NRXN3: variants seen among roughly 807,000 people sequenced by gnomAD.
NRXN3 encodes the protein neurexin III.
NRXN3 carries 32 observed loss-of-function variants against 137.6 expected under a neutral mutation model. That is an observed-to-expected ratio of 0.23 (90% CI 0.18 to 0.31). The LOEUF is 0.31. Ranked by LOEUF, NRXN3 falls within the 10% of genes least tolerant of loss-of-function variation. NRXN3 has a pLI of 1.00. For missense variants in NRXN3, 1,574 were observed against 2,062.5 expected (o/e 0.76, Z 4.59); for synonymous variants, 798 against 784.5 (o/e 1.02, Z -0.29).
chr14:79,059,062 A>G (rs983342839), intron 15 of NRXN3, among the ~76,000 whole-genome samples: 6 of 152,134 alleles, frequency 3.9e-5, no homozygotes, highest in Non-Finnish European at 5.9e-5. Context: ...AGTCCTGTAT[A>G]TACCTGTCTC....
chr14:78,214,480 A>G (rs1175282579), intron 1 of NRXN3, among the ~76,000 whole-genome samples: 1 of 152,128 alleles, frequency 6.6e-6, no homozygotes, highest in Admixed American at 6.5e-5. Flanking sequence ...CCAATAGGCT[A>G]AAAGCTCCAC....
At chr14:78,826,357 G>A (rs1012098336) in intron 10 of NRXN3, among the ~76,000 whole-genome samples, 1 of 152,190 alleles carries the variant, frequency 6.6e-6, no homozygotes, top group Non-Finnish European at 1.5e-5. Context: ...TTGCTAGAGG[G>A]AGGCAGAAAA....
chr14:79,622,623 G>A (rs567120632), intron 16 of NRXN3, among the ~76,000 whole-genome samples: 1 of 152,200 alleles, frequency 6.6e-6, no homozygotes, highest in African/African-American at 2.4e-5. Context: ...TTGAGACAGA[G>A]TCTCACTCTG....
At chr14:79,440,434 C>T (rs1164362560) in intron 15 of NRXN3, among the ~76,000 whole-genome samples, 2 of 152,164 alleles carry the variant, frequency 1.3e-5, no homozygotes, top group Admixed American at 6.5e-5. Flanking sequence ...GGATGCTCCT[C>T]ATAAGTAGTT....
intron 15 of NRXN3, among the ~76,000 whole-genome samples, chr14:79,429,057 C>A (rs144308201): frequency 2.9e-3 from 436 of 152,226 alleles, no homozygotes; most frequent in African/African-American, 9.8e-3. Context: ...ATTGCGGAGC[C>A]CCCACCAGTT....
At chr14:79,537,615 A>G (rs2153729252) in intron 16 of NRXN3, among the ~76,000 whole-genome samples, 1 of 152,336 alleles carries the variant, frequency 6.6e-6, no homozygotes, top group Admixed American at 6.5e-5. Flanking sequence ...TACAAAGGAC[A>G]TGAACTCATC....
rs551307529 is a variant in NRXN3 at position 78,386,419 on chromosome 14, A to C, written c.757+88559A>C. ...ACCCCTGTGATGAAGGTTCTTTGTG[A>C]CTGTAGGTGAAGGGAAGAACAGGAA... On this transcript the variant is annotated intron_variant, in intron 4 of 20. Coordinates refer to ENST00000335750, the MANE Select transcript of NRXN3 (RefSeq NM_001330195.2). Among the ~76,000 whole-genome samples the C allele has an allele frequency of 2.0e-5, 3 of 152,238 alleles. No individual in the cohort carries two copies. The East Asian group carries it at 5.8e-4, about 29-fold the overall frequency.
chr14:78,709,050 G>A (rs1309300351), intron 6 of NRXN3, among the ~76,000 whole-genome samples, 167 bp from the exon 7 acceptor site: 1 of 152,134 alleles, frequency 6.6e-6, no homozygotes, highest in Non-Finnish European at 1.5e-5. Flanking sequence ...CACATCAGAT[G>A]TTTCTTCAGA....
intron 4 of NRXN3, among the ~76,000 whole-genome samples, chr14:78,623,815 A>G (rs527562004): frequency 8.2e-4 from 125 of 152,228 alleles, no homozygotes; most frequent in African/African-American, 2.7e-3. Flanking sequence ...TGATCCGCCC[A>G]CCTTGGCCTC....
At chr14:79,266,361 A>G (rs1297171920) in intron 15 of NRXN3, among the ~76,000 whole-genome samples, 1 of 152,100 alleles carries the variant, frequency 6.6e-6, no homozygotes, top group Non-Finnish European at 1.5e-5. Context: ...AAGGTTATAT[A>G]TATATATAAC....
chr14:78,723,120 C>T (rs375752255), intron 8 of NRXN3, among the ~76,000 whole-genome samples: 14 of 152,248 alleles, frequency 9.2e-5, no homozygotes, highest in African/African-American at 3.4e-4. Flanking sequence ...GCTCTCCCAA[C>T]AAGTTTAGGC....
chr14:78,173,135 C>T (rs564638131), intron 1 of NRXN3, among the ~76,000 whole-genome samples: 9 of 151,608 alleles, frequency 5.9e-5, no homozygotes, highest in Non-Finnish European at 1.2e-4. Flanking sequence ...GGTGGGAGAA[C>T]GGTAGATGAG....
intron 15 of NRXN3, among the ~76,000 whole-genome samples, chr14:79,091,411 A>T (rs2049164898): frequency 6.6e-6 from 1 of 152,146 alleles, no homozygotes; most frequent in South Asian, 2.1e-4. Flanking sequence ...TTTATTACCA[A>T]AATAGAAGTT....
In NRXN3 at chr14:78,957,622, T is replaced by C. The variant is rs142375718; in HGVS notation, c.2395+261T>C. On this transcript the variant is annotated intron_variant, in intron 11 of 20. Coordinates refer to ENST00000335750, the MANE Select transcript of NRXN3 (RefSeq NM_001330195.2). ...TCTCTCCTTAGGCGTAGAGTATGTG[T>C]CTGGAGAACAGATGTAGGGTTCTAC... Among the ~76,000 whole-genome samples, 3 of 152,316 alleles carry C rather than the reference T, an allele frequency of 2.0e-5. No homozygotes were observed. The East Asian group carries it at 5.8e-4, about 29-fold the overall frequency.
chr14:78,396,512 G>C (rs530349093), intron 4 of NRXN3, among the ~76,000 whole-genome samples: 2 of 152,238 alleles, frequency 1.3e-5, no homozygotes, highest in Admixed American at 6.5e-5. Context: ...TTGAAGGTAG[G>C]TGGTCTGGCA....
intron 15 of NRXN3, among the ~76,000 whole-genome samples, chr14:79,297,105 A>G (rs1320349921): frequency 2.6e-5 from 4 of 152,198 alleles, no homozygotes; most frequent in African/African-American, 9.7e-5. Context: ...TCTTTAGTGT[A>G]GCACCTCCTC....
In NRXN3 at chr14:79,180,496, T is replaced by C. The variant is rs190408839; in HGVS notation, c.3262+192355T>C. On this transcript the variant is annotated intron_variant, in intron 15 of 20. Transcript: ENST00000335750. ...TAGTTTCACTGGTACTAGAAACAGA[T>C]GAAGAGTGATACTTTGCTGAATAAA... Among the ~76,000 whole-genome samples the C allele has an allele frequency of 2.6e-5, 4 of 152,332 alleles. No individual in the cohort carries two copies. The East Asian group carries it at 7.7e-4, about 29-fold the overall frequency.
intron 4 of NRXN3, among the ~76,000 whole-genome samples, chr14:78,552,312 T>C (rs960376733): frequency 6.6e-6 from 1 of 152,226 alleles, no homozygotes; most frequent in African/African-American, 2.4e-5. Flanking sequence ...TTGAGTATGG[T>C]ACAGAATCCT....
chr14:78,179,608 A>C (rs2059596606), intron 1 of NRXN3, among the ~76,000 whole-genome samples: 1 of 151,968 alleles, frequency 6.6e-6, no homozygotes, highest in South Asian at 2.1e-4. Context: ...CCTGGCTCCA[A>C]ATTTGGAATT....
Sources: allele counts gnomAD v4.1 joint callset (sites outside exome capture counted in the v4.1 genomes callset), GRCh38; gene constraint gnomAD v4.1.1; transcripts MANE v1.5; gene names NCBI Gene and HGNC (gene_info 2026-07-23, HGNC 2026-07-21).